The following PTPRN2 variants were observed in gnomAD, a reference collection of about 807,000 sequenced individuals.
PTPRN2 encodes the protein protein tyrosine phosphatase receptor type N2.
A neutral mutation model predicts 118.8 loss-of-function variants in PTPRN2; 74 were observed. The ratio of observed to expected loss-of-function variants is 0.62; its 90% CI spans 0.52 to 0.76. The LOEUF (loss-of-function observed/expected upper bound fraction) is 0.76. Ranked by LOEUF, PTPRN2 falls within the 30% of genes least tolerant of loss-of-function variation. The pLI is 0.00. For synonymous variants in PTPRN2, 641 were observed against 608.0 expected (o/e 1.05, Z -0.80); for missense variants, 1,481 against 1,394.4 (o/e 1.06, Z -0.99).
intron 21 of PTPRN2, among the ~76,000 whole-genome samples, chr7:157,557,532 C>G (rs1798964711): frequency 8.2e-6 from 1 of 121,784 alleles, no homozygotes; most frequent in South Asian, 3.0e-4. Context: ...ACACAACACC[C>G]ACACCCATCA....
intron 1 of PTPRN2, among the ~76,000 whole-genome samples, chr7:158,507,526 A>G (rs1822845028): frequency 6.6e-6 from 1 of 150,896 alleles, no homozygotes; most frequent in African/African-American, 2.4e-5. Flanking sequence ...GGGAAATCAC[A>G]CACATGAAGG....
intron 1 of PTPRN2, chr7:158,532,695 T>C (rs1171441314): frequency 1.9e-6 from 1 of 533,422 alleles, no homozygotes; most frequent in South Asian, 1.4e-5. Context: ...AAAAAATACA[T>C]AACAAAACAA....
intron 11 of PTPRN2, among the ~76,000 whole-genome samples, chr7:158,078,131 G>A (rs1056148406): frequency 4.6e-5 from 7 of 152,188 alleles, no homozygotes; most frequent in South Asian, 4.1e-4. Flanking sequence ...TCAATACCAC[G>A]TGACGTTTGA....
intron 3 of PTPRN2, among the ~76,000 whole-genome samples, chr7:158,259,658 C>T (rs1297518254): frequency 3.3e-5 from 5 of 152,224 alleles, no homozygotes; most frequent in Non-Finnish European, 1.5e-5. Context: ...GTCCATGTGT[C>T]CCTGTGTGTA....
chr7:157,973,541 A>C (rs968339747), intron 11 of PTPRN2, among the ~76,000 whole-genome samples: 7 of 152,310 alleles, frequency 4.6e-5, no homozygotes, highest in Non-Finnish European at 1.0e-4. Flanking sequence ...ATGTGCATAG[A>C]GCCAAACAAG....
chr7:157,712,945 C>A (rs1464581802), intron 12 of PTPRN2, among the ~76,000 whole-genome samples: 4 of 152,106 alleles, frequency 2.6e-5, no homozygotes, highest in Non-Finnish European at 5.9e-5. Flanking sequence ...TGGCTCCCAG[C>A]ACTGTGGGAG....
intron 1 of PTPRN2, among the ~76,000 whole-genome samples, chr7:158,530,388 G>A (rs1179959430): frequency 1.3e-5 from 2 of 152,198 alleles, no homozygotes; most frequent in Non-Finnish European, 2.9e-5. Context: ...GCAATTTGCG[G>A]AGGCTCTGCA....
At chr7:158,547,239 C>CACT (rs1043531986) in intron 1 of PTPRN2, among the ~76,000 whole-genome samples, 1 of 152,088 alleles carries the variant, frequency 6.6e-6, no homozygotes, top group African/African-American at 2.4e-5. Flanking sequence ...TCATTACATT[C>CACT]ACTACTATAC....
In PTPRN2 at chr7:157,836,583, A is replaced by G. The variant is rs189631852; in HGVS notation, c.1788+62090T>C. Among the ~76,000 whole-genome samples the G allele has an allele frequency of 7.6e-4, 111 of 146,244 alleles. 1 individual carries two copies. The highest frequency in any genetic ancestry group is 2.8e-3 in the African/African-American group (110 of 38,642). On this transcript the variant is annotated intron_variant, in intron 12 of 22. Coordinates refer to ENST00000389418, the MANE Select transcript of PTPRN2 (RefSeq NM_002847.5). ...TATTTTAAAGACAATTTGATAAGGC[A>G]CACATACAAACTGAAAAGCAAAATA...
At chr7:157,691,003 C>T (rs1797458160) in intron 12 of PTPRN2, among the ~76,000 whole-genome samples, 3 of 148,172 alleles carry the variant, frequency 2.0e-5, no homozygotes, top group African/African-American at 2.5e-5. Flanking sequence ...TTATATCCGG[C>T]CCGGCGCGCA....
intron 2 of PTPRN2, among the ~76,000 whole-genome samples, chr7:158,486,280 A>G (rs1314268100): frequency 1.3e-5 from 2 of 152,234 alleles, no homozygotes; most frequent in Non-Finnish European, 2.9e-5. Context: ...CGACCAGCTC[A>G]CTTCCCGACA....
At chr7:158,399,228 G>A (rs1812761113) in intron 2 of PTPRN2, among the ~76,000 whole-genome samples, 1 of 152,244 alleles carries the variant, frequency 6.6e-6, no homozygotes, top group Non-Finnish European at 1.5e-5. Context: ...GGCACAAAGA[G>A]CTGATTTAGA....
chr7:158,571,797 T>C (rs755559471), intron 1 of PTPRN2, among the ~76,000 whole-genome samples: 4 of 152,156 alleles, frequency 2.6e-5, no homozygotes, highest in Non-Finnish European at 5.9e-5. Context: ...TTCCATTTCT[T>C]GGCAAAAATT....
At position 158,310,625 on chromosome 7, in the gene PTPRN2, G is replaced by A. The variant is rs73528047; in HGVS notation, c.277+6194C>T. On this transcript the variant is annotated intron_variant, in intron 3 of 22. Transcript: ENST00000389418. ...TCGGGAGGTTCCTCCATTGCCCTGCGCAGCCTGAGCCAGACAGAGCGCAAA... is the reference window on the plus strand; with the variant it reads ...TCGGGAGGTTCCTCCATTGCCCTGCACAGCCTGAGCCAGACAGAGCGCAAA... 7.6e-3 allele frequency among the ~76,000 whole-genome samples: 1,153 copies of A among 152,320 alleles called. 17 individuals carry two copies. Among genetic ancestry groups the A allele is most frequent in the African/African-American group, 0.026 (1,097 of 41,562 alleles).
At chr7:158,157,200 G>A (rs1821904657) in intron 6 of PTPRN2, among the ~76,000 whole-genome samples, 1 of 152,256 alleles carries the variant, frequency 6.6e-6, no homozygotes, top group Non-Finnish European at 1.5e-5. Context: ...GGCTCTGGAA[G>A]GCCTCCCCCT....
rs186474168 is a variant in PTPRN2 at position 158,133,230 on chromosome 7, G to A, written c.1556+447C>T. ...CCTTCCTAACAGGCAGGAGGAGTCC[G>A]GGGTGCAGCAGTTTCCAGGGCCGCG... On this transcript the variant is annotated intron_variant, in intron 9 of 22. Coordinates refer to ENST00000389418, the MANE Select transcript of PTPRN2 (RefSeq NM_002847.5). Among the ~76,000 whole-genome samples, 82 of 152,300 alleles carry A rather than the reference G, an allele frequency of 5.4e-4. 1 individual carries two copies. Among genetic ancestry groups the A allele is most frequent in the Non-Finnish European group, 9.4e-4 (64 of 68,026 alleles).
chr7:157,578,033 G>A lies in PTPRN2; in HGVS notation c.2604C>T (p.Tyr868=). 6.2e-7 allele frequency: 1 copy of A among 1,612,038 alleles called. No homozygotes were observed. The highest frequency in any genetic ancestry group is 1.7e-4 in the Middle Eastern group (1 of 6,028). Residue 868 remains tyrosine (Y), a synonymous_variant, in exon 18 of 23, where the codon TAC becomes TAT. Coordinates refer to ENST00000389418, the MANE Select transcript of PTPRN2 (RefSeq NM_002847.5). ...HYWPDEGSNL[Y]HIYEVNLVSE... ...CTGGTCGGAGTACCTCATAGATGTG[G>A]TAGAGATTGGAGCCTTCATCCGGCC...
intron 3 of PTPRN2, among the ~76,000 whole-genome samples, chr7:158,265,608 G>A (rs1347370995): frequency 6.6e-6 from 1 of 152,214 alleles, no homozygotes; most frequent in Non-Finnish European, 1.5e-5. Context: ...GGGATCACCT[G>A]GTGCCATCAT....
In PTPRN2 at chr7:158,587,680, T is replaced by A; in HGVS notation, c.-11A>T. 2 of 1,312,854 alleles carry A rather than the reference T, an allele frequency of 1.5e-6. No individual in the cohort carries two copies. The highest frequency in any genetic ancestry group is 1.9e-6 in the Non-Finnish European group (2 of 1,033,952). The allele number at this position is 1,312,854 out of a possible 1,614,324, so 81.3% of individuals were successfully genotyped here. ...GAGCGGCGGCCCCATCCCCGCGGCCTGGCCGGCGGCGCTCAGTCCATGGCC... is the reference window on the plus strand; with the variant it reads ...GAGCGGCGGCCCCATCCCCGCGGCCAGGCCGGCGGCGCTCAGTCCATGGCC... On this transcript the variant is annotated 5_prime_UTR_variant, in exon 1 of 23. Transcript: ENST00000389418.
Sources: allele counts gnomAD v4.1 joint callset (sites outside exome capture counted in the v4.1 genomes callset), GRCh38; gene constraint gnomAD v4.1.1; transcripts MANE v1.5; gene names NCBI Gene and HGNC (gene_info 2026-07-23, HGNC 2026-07-21).